Variants in TSHZ2 observed in about 807,000 individuals in gnomAD.
TSHZ2 encodes the protein teashirt zinc finger homeobox 2, also known as teashirt homolog 2.
TSHZ2 carries 21 observed loss-of-function variants against 74.4 expected under a neutral mutation model. That is an observed-to-expected ratio of 0.28 (90% CI 0.20 to 0.41). The LOEUF is 0.41. TSHZ2 is among the 10% of genes least tolerant of loss of function. TSHZ2 has a pLI of 1.00. For missense variants in TSHZ2, 1,244 were observed against 1,293.5 expected (o/e 0.96, Z 0.59); for synonymous variants, 540 against 515.3 (o/e 1.05, Z -0.65).
intron 2 of TSHZ2, among the ~76,000 whole-genome samples, chr20:53,281,666 C>T (rs1397460569): frequency 6.6e-6 from 1 of 152,112 alleles, no homozygotes; most frequent in Admixed American, 6.5e-5. Context: ...GGTTCCTGGG[C>T]TATTAAACCT....
intron 2 of TSHZ2, among the ~76,000 whole-genome samples, chr20:53,333,748 G>A (rs148827113): frequency 1.4e-3 from 210 of 152,280 alleles, no homozygotes; most frequent in African/African-American, 4.8e-3. Context: ...GAGCCACTGC[G>A]CCCGGCCTGC....
At chr20:53,469,786 G>GGA (rs1568932192) in intron 2 of TSHZ2, among the ~76,000 whole-genome samples, 3 of 86,652 alleles carry the variant, frequency 3.5e-5, no homozygotes, top group Non-Finnish European at 6.9e-5. Flanking sequence ...GGGAGGGAGG[G>GGA]AGGAAGGAAG....
chr20:53,148,860 CA>C (rs1987607165), intron 1 of TSHZ2, among the ~76,000 whole-genome samples: 1 of 152,140 alleles, frequency 6.6e-6, no homozygotes, highest in Admixed American at 6.5e-5. Context: ...GCTTAACAAA[CA>C]AAGCTCGGGT....
chr20:53,380,367 TA>T lies in TSHZ2; in HGVS notation c.*9-106776del, dbSNP rs561890811. Among the ~76,000 whole-genome samples, 118 of 152,314 alleles carry T rather than the reference TA, an allele frequency of 7.7e-4. 1 individual carries two copies. The Middle Eastern group carries it at 0.014, about 18-fold the overall frequency. On this transcript the variant is annotated intron_variant, in intron 2 of 2. Transcript: ENST00000371497. Reference sequence around the variant, plus strand: ...AATATACTCAATACATCCATGATAGTATGAATTATTGCTTAGAATGAGGTGA... The same window carrying T: ...AATATACTCAATACATCCATGATAGTTGAATTATTGCTTAGAATGAGGTGA...
intron 1 of TSHZ2, among the ~76,000 whole-genome samples, chr20:53,173,002 C>T (rs1432872162): frequency 6.6e-6 from 1 of 152,164 alleles, no homozygotes; most frequent in African/African-American, 2.4e-5. Flanking sequence ...ATTTCCTGTT[C>T]TGTACAGTGG....
In TSHZ2 at chr20:53,255,208, G is replaced by A. The variant is rs141757468; in HGVS notation, c.1750G>A (p.Val584Met). ...KLRPIAPKWK[V>M]MPLVSMPTHL... ...GAGGCCCATTGCACCAAAGTGGAAA[G>A]TGATGCCACTGGTTTCTATGCCCAC... The change falls in exon 2 of 3, where the codon GTG becomes ATG. Residue 584 changes from valine to methionine, a missense_variant. Physicochemically the swap from Val to Met is conservative, Grantham distance 21. Around this residue, in one of 6 missense-constraint regions of TSHZ2, gnomAD observed 562 missense variants for 544.0 expected, o/e 1.03. Transcript: ENST00000371497. This position sits in a 1 kb window ranked among gnomAD's most constrained non-coding sequence, Gnocchi z 4.1. 2.2e-4 allele frequency: 352 copies of A among 1,614,198 alleles called. No individual in the cohort carries two copies. The African/African-American group carries it at 4.2e-3, about 19-fold the overall frequency.
In TSHZ2 at chr20:53,074,733, T is replaced by G. The variant is rs1232585813; in HGVS notation, c.40+101400T>G. Among the ~76,000 whole-genome samples, 1 of 152,184 alleles carries G rather than the reference T, an allele frequency of 6.6e-6. No individual in the cohort carries two copies. The highest frequency in any genetic ancestry group is 1.9e-4 in the East Asian group (1 of 5,200). On this transcript the variant is annotated intron_variant, in intron 1 of 2. Coordinates refer to ENST00000371497, the MANE Select transcript of TSHZ2 (RefSeq NM_173485.6). The surrounding 1 kb of genome is among the most constrained non-coding windows in gnomAD (Gnocchi z 5.9). ...TTATAGTCTGAATTTTAAAGAAAAATTCAGGCACATCTACTCTGTGCCAGG... is the reference window on the plus strand; with the variant it reads ...TTATAGTCTGAATTTTAAAGAAAAAGTCAGGCACATCTACTCTGTGCCAGG...
At chr20:53,044,804 G>A (rs1011657744) in intron 1 of TSHZ2, among the ~76,000 whole-genome samples, 2 of 152,160 alleles carry the variant, frequency 1.3e-5, no homozygotes, top group African/African-American at 4.8e-5. Context: ...TGAACTCCTG[G>A]GTTCACGGGA....
At chr20:53,448,111 C>T (rs1160221869) in intron 2 of TSHZ2, among the ~76,000 whole-genome samples, 2 of 152,048 alleles carry the variant, frequency 1.3e-5, no homozygotes, top group African/African-American at 4.8e-5. Flanking sequence ...GATGGGGTTT[C>T]ACCGTGTTAG....
At chr20:53,090,946 T>C (rs1985867591) in intron 1 of TSHZ2, among the ~76,000 whole-genome samples, 1 of 152,208 alleles carries the variant, frequency 6.6e-6, no homozygotes, top group Non-Finnish European at 1.5e-5. Context: ...TTAATTCAAA[T>C]AATAAAATAC....
chr20:53,245,854 G>C (rs1334555324), intron 1 of TSHZ2, among the ~76,000 whole-genome samples: 2 of 152,142 alleles, frequency 1.3e-5, no homozygotes, highest in Admixed American at 1.3e-4. Flanking sequence ...GCTGATAGGA[G>C]AGAGAACCAG....
chr20:53,079,546 T>C (rs1985466085), intron 1 of TSHZ2, among the ~76,000 whole-genome samples: 1 of 152,200 alleles, frequency 6.6e-6, no homozygotes, highest in African/African-American at 2.4e-5. Context: ...AAATCAGGAA[T>C]GCAGAGACTT....
intron 1 of TSHZ2, among the ~76,000 whole-genome samples, chr20:53,234,827 G>C (rs753070109): frequency 3.3e-5 from 5 of 152,100 alleles, no homozygotes; most frequent in Admixed American, 3.3e-4. Flanking sequence ...GAAATCTGAG[G>C]GCCATGGTGA....
intron 2 of TSHZ2, chr20:53,399,014 T>C (rs1166218520): frequency 6.6e-6 from 1 of 152,222 alleles, no homozygotes. Flanking sequence ...GTGAAACCTA[T>C]TTTGATGAAG....
At chr20:53,371,886 AAAG>A (rs1386450816) in intron 2 of TSHZ2, among the ~76,000 whole-genome samples, 6,780 of 143,262 alleles carry the variant, frequency 0.047, 544 homozygotes, top group African/African-American at 0.17. Flanking sequence ...AAAAAAAAAA[AAAG>A]AAAAAAAAAA....
At chr20:53,283,117 C>T (rs560430634) in intron 2 of TSHZ2, among the ~76,000 whole-genome samples, 1 of 152,126 alleles carries the variant, frequency 6.6e-6, no homozygotes, top group Non-Finnish European at 1.5e-5. Context: ...CTCATTATTC[C>T]CTTCCCACAT....
Position 53,077,270 on chromosome 20 carries a change from G to A in TSHZ2, c.40+103937G>A, listed in dbSNP as rs11908566. On this transcript the variant is annotated intron_variant, in intron 1 of 2. Coordinates refer to ENST00000371497, the MANE Select transcript of TSHZ2 (RefSeq NM_173485.6). ...TCTACTAAAATACAAAAAAAAAATAGCATGGTGGCGTGTGCGTGTAATCCC... is the reference window on the plus strand; with the variant it reads ...TCTACTAAAATACAAAAAAAAAATAACATGGTGGCGTGTGCGTGTAATCCC... Among the ~76,000 whole-genome samples, 197 of 151,616 alleles carry A rather than the reference G, an allele frequency of 1.3e-3. 1 individual carries two copies. Among genetic ancestry groups the A allele is most frequent in the African/African-American group, 4.5e-3 (186 of 41,330 alleles).
At chr20:53,391,690 C>T (rs779357612) in intron 2 of TSHZ2, among the ~76,000 whole-genome samples, 6 of 152,144 alleles carry the variant, frequency 3.9e-5, no homozygotes, top group Non-Finnish European at 5.9e-5. Context: ...CGCCTGTAAT[C>T]CCAACACTTT....
At chr20:53,433,862 T>C (rs1568915144) in intron 2 of TSHZ2, among the ~76,000 whole-genome samples, 2 of 152,144 alleles carry the variant, frequency 1.3e-5, no homozygotes, top group Non-Finnish European at 2.9e-5. Context: ...CTAAATAAAA[T>C]GGGCTTTATG....
Sources: gnomAD v4.1 joint callset for allele counts (sites outside exome capture counted in the v4.1 genomes callset) on GRCh38, gnomAD v4.1.1 for gene constraint, gnomAD v4.1.1 regional missense constraint, Gnocchi (gnomAD v3.1) non-coding constraint, MANE v1.5 for transcripts, NCBI Gene and HGNC (gene_info 2026-07-23, HGNC 2026-07-21) for gene names.